Variants in CISD2 observed in about 807,000 individuals in gnomAD.
CISD2 encodes CDGSH iron sulfur domain 2.
In CISD2, 1 loss-of-function variant was observed where a neutral mutation model predicts 12.9. The observed-to-expected ratio is 0.08, with a 90% CI of 0.03 to 0.37. The LOEUF is 0.37. Ranked by LOEUF, CISD2 falls within the 10% of genes least tolerant of loss-of-function variation. The probability of loss-of-function intolerance (pLI) is 0.99; values close to 1 mark genes in which losing one functional copy is unlikely to be tolerated. For missense variants in CISD2, 97 were observed against 163.1 expected (o/e 0.59, Z 2.21); for synonymous variants, 50 against 60.6 (o/e 0.83, Z 0.81).
At chr4:102,886,878 G>C (rs1222759557) in intron 2 of CISD2, among the ~76,000 whole-genome samples, 2 of 152,180 alleles carry the variant, frequency 1.3e-5, no homozygotes, top group African/African-American at 2.4e-5. Context: ...GCCTCTGAAA[G>C]TGTTGGGATT....
At chr4:102,875,019 C>T (rs924431188) in intron 1 of CISD2, among the ~76,000 whole-genome samples, 1 of 152,210 alleles carries the variant, frequency 6.6e-6, no homozygotes, top group Non-Finnish European at 1.5e-5. Flanking sequence ...TCCTATTATG[C>T]ACAGGTTAGA....
At chr4:102,870,460 A>G (rs1733407816) in intron 1 of CISD2, among the ~76,000 whole-genome samples, 2 of 152,182 alleles carry the variant, frequency 1.3e-5, no homozygotes, top group Admixed American at 1.3e-4. Flanking sequence ...TTCTCTTCCA[A>G]ATCTAGAGAT....
rs138855842 is a variant in CISD2 at position 102,883,481 on chromosome 4, T to G, written c.104-1735T>G. On this transcript the variant is annotated intron_variant, in intron 1 of 2. Coordinates refer to ENST00000273986, the MANE Select transcript of CISD2 (RefSeq NM_001008388.5). The stretch of plus-strand genomic sequence containing the variant: ...TAGTACCTCTCATGTGGCCCTGCAT[T>G]GCATAGTGTATCCTCTCCTCTTGGG... Among the ~76,000 whole-genome samples, 963 of 152,350 alleles carry G rather than the reference T, an allele frequency of 6.3e-3. 9 individuals carry two copies. The highest frequency in any genetic ancestry group is 0.011 in the Non-Finnish European group (733 of 68,028).
At chr4:102,880,530 T>G (rs931660435) in intron 1 of CISD2, among the ~76,000 whole-genome samples, 3 of 152,096 alleles carry the variant, frequency 2.0e-5, no homozygotes, top group African/African-American at 7.2e-5. Context: ...ATACAAAAAT[T>G]TGCTTGGTGT....
chr4:102,878,287 A>G (rs1338743744), intron 1 of CISD2, among the ~76,000 whole-genome samples: 1 of 152,024 alleles, frequency 6.6e-6, no homozygotes, highest in African/African-American at 2.4e-5. Context: ...GTGCACCACC[A>G]TGCCCAGCTA....
intron 1 of CISD2, among the ~76,000 whole-genome samples, chr4:102,879,773 A>G (rs1733672842): frequency 6.6e-6 from 1 of 152,052 alleles, no homozygotes; most frequent in Non-Finnish European, 1.5e-5. Context: ...CTCCATCTCA[A>G]AAACAAACAA....
Position 102,891,082 on chromosome 4 carries a change from T to C in CISD2, c.*3652T>C, listed in dbSNP as rs1187510540. 6.6e-6 allele frequency: 1 copy of C among 151,292 alleles called. No homozygotes were observed. Among genetic ancestry groups the C allele is most frequent in the Non-Finnish European group, 1.5e-5 (1 of 68,034 alleles). The allele number at this position is 151,292 out of a possible 1,614,324, so 9.4% of individuals were successfully genotyped here. A position where few individuals can be genotyped will look rare whatever the true frequency, so the allele number is the denominator to read the frequency against. ...AGAACAAGGAAATGATGTATGTGTT[T>C]ACATATTACATCTACTTTATTAACA... On this transcript the variant is annotated 3_prime_UTR_variant, in exon 3 of 3. Coordinates refer to ENST00000273986, the MANE Select transcript of CISD2 (RefSeq NM_001008388.5).
In CISD2 at chr4:102,880,810, C is replaced by T. The variant is rs191238872; in HGVS notation, c.104-4406C>T. ...GAGCTTGAGACCAACCTGACCAACA[C>T]GGTGAAACCCCATCTCTACTAAAAT... On this transcript the variant is annotated intron_variant, in intron 1 of 2. Transcript: ENST00000273986. 3.9e-5 allele frequency among the ~76,000 whole-genome samples: 6 copies of T among 151,900 alleles called. No homozygotes were observed. The East Asian group carries it at 5.8e-4, about 15-fold the overall frequency.
intron 1 of CISD2, among the ~76,000 whole-genome samples, chr4:102,880,978 G>T (rs937937550): frequency 1.3e-5 from 2 of 148,554 alleles, no homozygotes; most frequent in African/African-American, 2.5e-5. Context: ...GAAACAGAGC[G>T]AGACGCTGTC....
At chr4:102,872,857 G>A (rs1453567643) in intron 1 of CISD2, among the ~76,000 whole-genome samples, 1 of 152,152 alleles carries the variant, frequency 6.6e-6, no homozygotes, top group Non-Finnish European at 1.5e-5. Context: ...GGTAGCTACC[G>A]TATTATTCCG....
At chr4:102,876,807 T>C (rs1733603315) in intron 1 of CISD2, among the ~76,000 whole-genome samples, 1 of 152,070 alleles carries the variant, frequency 6.6e-6, no homozygotes, top group Non-Finnish European at 1.5e-5. Context: ...GAGGTTTAGT[T>C]GACTCACAGT....
In CISD2 at chr4:102,887,334, T is replaced by C; in HGVS notation, c.319-7T>C. ...AAATAACACTTGTAATTCTTTTTTC[T>C]TTTTAGTTTCCTGCCTGCGATGGTT... On this transcript the variant is annotated splice_polypyrimidine_tract_variant and splice_region_variant and intron_variant, in intron 2 of 2. Coordinates refer to ENST00000273986, the MANE Select transcript of CISD2 (RefSeq NM_001008388.5). 2 of 1,213,972 alleles carry C rather than the reference T, an allele frequency of 1.6e-6. No homozygotes were observed. Among genetic ancestry groups the C allele is most frequent in the Non-Finnish European group, 2.4e-6 (2 of 821,180 alleles). The allele number at this position is 1,213,972 out of a possible 1,614,324, so 75.2% of individuals were successfully genotyped here.
intron 1 of CISD2, among the ~76,000 whole-genome samples, chr4:102,877,679 A>G (rs1733621647): frequency 2.0e-5 from 3 of 152,216 alleles, no homozygotes; most frequent in Non-Finnish European, 1.5e-5. Flanking sequence ...GAGGTTCTCC[A>G]TGAAGGCTCC....
At chr4:102,881,754 A>G (rs1202130225) in intron 1 of CISD2, among the ~76,000 whole-genome samples, 2 of 152,220 alleles carry the variant, frequency 1.3e-5, no homozygotes, top group African/African-American at 2.4e-5. Context: ...ACCTCTCATC[A>G]CTGTATTTTT....
chr4:102,882,451 G>T (rs1733746109), intron 1 of CISD2, among the ~76,000 whole-genome samples: 1 of 152,180 alleles, frequency 6.6e-6, no homozygotes. Flanking sequence ...CTAGACAGTA[G>T]CTTTCGCTGG....
intron 1 of CISD2, among the ~76,000 whole-genome samples, chr4:102,874,908 C>T (rs1425979592): frequency 3.3e-5 from 5 of 152,198 alleles, no homozygotes; most frequent in Non-Finnish European, 7.3e-5. Flanking sequence ...GCCCTCTCTG[C>T]TATTCCTGTG....
rs765050847 is a variant in CISD2, at chr4:102,885,443, T to C, written c.318+13T>C. Reference sequence around the variant, plus strand: ...GCGTTCTAAAACGGTAAGATGTCTGTTTACGTGTACACTAAAATTTTGCAG... The same window carrying C: ...GCGTTCTAAAACGGTAAGATGTCTGCTTACGTGTACACTAAAATTTTGCAG... On this transcript the variant is annotated intron_variant, in intron 2 of 2. Coordinates refer to ENST00000273986, the MANE Select transcript of CISD2 (RefSeq NM_001008388.5). 3 of 1,606,908 alleles carry C rather than the reference T, an allele frequency of 1.9e-6. No homozygotes were observed. Among genetic ancestry groups the C allele is most frequent in the Non-Finnish European group, 8.5e-7 (1 of 1,173,768 alleles).
At position 102,892,196 on chromosome 4, in the gene CISD2, C is replaced by G. The variant is rs1734280093; in HGVS notation, c.*4766C>G. 6.6e-6 allele frequency: 1 copy of G among 152,190 alleles called. No homozygotes were observed. The highest frequency in any genetic ancestry group is 1.5e-5 in the Non-Finnish European group (1 of 68,068). 9.4% of individuals were successfully genotyped at this position (152,190 alleles called of 1,614,324 possible). A position where few individuals can be genotyped will look rare whatever the true frequency, so the allele number is the denominator to read the frequency against. On this transcript the variant is annotated 3_prime_UTR_variant, in exon 3 of 3. Transcript: ENST00000273986. ...ACCTCAGCCTCCCAAGTAGCTGAGA[C>G]TACAGTCATGCTTCATCATGCCCGG...
At chr4:102,879,603 C>T (rs1733668963) in intron 1 of CISD2, among the ~76,000 whole-genome samples, 2 of 152,062 alleles carry the variant, frequency 1.3e-5, no homozygotes, top group African/African-American at 4.8e-5. Flanking sequence ...GAAACCCCAT[C>T]TCTACTAAAA....
Sources: gnomAD v4.1 joint callset for allele counts (sites outside exome capture counted in the v4.1 genomes callset) on GRCh38, gnomAD v4.1.1 for gene constraint, MANE v1.5 for transcripts, NCBI Gene and HGNC (gene_info 2026-07-23, HGNC 2026-07-21) for gene names.